Variants in ACTR3C observed in about 807,000 individuals in gnomAD.
ACTR3C encodes actin related protein 3C.
In ACTR3C, 18 loss-of-function variants were observed where a neutral mutation model predicts 26.3. The ratio of observed to expected loss-of-function variants is 0.68; its 90% confidence interval spans 0.47 to 1.01. The LOEUF (loss-of-function observed/expected upper bound fraction) is 1.01. Ranked by LOEUF, ACTR3C falls within the 50% of genes least tolerant of loss-of-function variation. The pLI, the probability that ACTR3C is intolerant of heterozygous loss-of-function variation, is 0.00. For missense variants in ACTR3C, 184 were observed against 250.7 expected, an observed-to-expected ratio of 0.73 and a Z score of 1.80; for synonymous variants, 55 against 94.5, an observed-to-expected ratio of 0.58 and a Z score of 2.42.
At chr7:150,038,249 C>T in the ACTR3C span, among the ~76,000 whole-genome samples, 8 of 144,658 alleles carry the variant, frequency 5.5e-5, no homozygotes, top group East Asian at 1.6e-3. Flanking sequence ...AATAGGGGGG[C>T]CATCCTTTAG....
chr7:149,965,973 G>A, the ACTR3C span, among the ~76,000 whole-genome samples: 3 of 152,160 alleles, frequency 2.0e-5, no homozygotes, highest in Non-Finnish European at 2.9e-5. Context: ...GGCCACTGAC[G>A]AACTGCCTGG....
At chr7:149,952,378 C>G in the ACTR3C span, among the ~76,000 whole-genome samples, 231 of 143,036 alleles carry the variant, frequency 1.6e-3, no homozygotes, top group African/African-American at 5.5e-3. Flanking sequence ...AGCCACTGCT[C>G]TATTTTAGCT....
chr7:150,037,958 C>T, the ACTR3C span, among the ~76,000 whole-genome samples: 2 of 139,392 alleles, frequency 1.4e-5, no homozygotes, highest in African/African-American at 5.4e-5. Context: ...GTGCAAAGAG[C>T]CAGGGGAGGA....
chr7:150,205,180 G>A, the ACTR3C span, among the ~76,000 whole-genome samples: 1 of 152,114 alleles, frequency 6.6e-6, no homozygotes, highest in Non-Finnish European at 1.5e-5. Context: ...TGTTCTAAAG[G>A]GACAGCTGGA....
the ACTR3C span, among the ~76,000 whole-genome samples, chr7:150,161,509 C>T: frequency 1.3e-5 from 2 of 151,878 alleles, no homozygotes; most frequent in Non-Finnish European, 2.9e-5. Context: ...ATGATGGTTT[C>T]CAGCTTTATC....
the ACTR3C span, among the ~76,000 whole-genome samples, chr7:149,962,545 C>T: frequency 6.6e-6 from 1 of 152,108 alleles, no homozygotes; most frequent in African/African-American, 2.4e-5. Flanking sequence ...CTTCTTCCTT[C>T]CCTGTGGGCA....
At chr7:150,070,496 G>A in the ACTR3C span, among the ~76,000 whole-genome samples, 1 of 152,162 alleles carries the variant, frequency 6.6e-6, no homozygotes, top group East Asian at 1.9e-4. Flanking sequence ...TGTCACTCAG[G>A]CTGGAGTGCG....
the ACTR3C span, among the ~76,000 whole-genome samples, chr7:149,978,611 A>G: frequency 1.3e-5 from 2 of 152,202 alleles, no homozygotes; most frequent in Admixed American, 1.3e-4. Flanking sequence ...AAGAAGAAAT[A>G]TACAGTTGCT....
At chr7:149,897,634 G>T in the ACTR3C span, among the ~76,000 whole-genome samples, 1 of 152,262 alleles carries the variant, frequency 6.6e-6, no homozygotes, top group African/African-American at 2.4e-5. Context: ...GGGAGGCCAA[G>T]GTGGGCAGAT....
At chr7:149,996,688 C>T in the ACTR3C span, among the ~76,000 whole-genome samples, 3 of 150,660 alleles carry the variant, frequency 2.0e-5, no homozygotes, top group Non-Finnish European at 4.4e-5. Flanking sequence ...CAGATTCATA[C>T]ATTTATTTCA....
the ACTR3C span, among the ~76,000 whole-genome samples, chr7:149,974,647 T>C: frequency 5.3e-3 from 803 of 152,324 alleles, 8 homozygotes; most frequent in African/African-American, 0.019. Flanking sequence ...TCCTCATCCT[T>C]ATTTTATACC....
chr7:150,086,990 A>C, the ACTR3C span, among the ~76,000 whole-genome samples: 2 of 152,210 alleles, frequency 1.3e-5, no homozygotes, highest in Non-Finnish European at 2.9e-5. Context: ...TTCCCTGTGC[A>C]ATCCTTCTAC....
the ACTR3C span, among the ~76,000 whole-genome samples, chr7:150,003,598 G>A: frequency 6.6e-6 from 1 of 152,130 alleles, no homozygotes; most frequent in Non-Finnish European, 1.5e-5. Flanking sequence ...TGTAGTGTGT[G>A]GTATGTTATC....
chr7:150,209,248 CAG>C, the ACTR3C span, among the ~76,000 whole-genome samples: 174 of 138,042 alleles, frequency 1.3e-3, 16 homozygotes, highest in African/African-American at 5.0e-3. Context: ...CAGAGAGAGA[CAG>C]AGAGAGAGAC....
At chr7:150,058,723 T>C in the ACTR3C span, among the ~76,000 whole-genome samples, 1 of 152,188 alleles carries the variant, frequency 6.6e-6, no homozygotes, top group South Asian at 2.1e-4. Context: ...GAGACCATCC[T>C]GGCCAACATG....
At chr7:150,280,798 A>ATGTGTGTGTG (rs200924995) in intron 6 of ACTR3C, among the ~76,000 whole-genome samples, 2,166 of 147,444 alleles carry the variant, frequency 0.015, 57 homozygotes, top group South Asian at 0.044. Flanking sequence ...CCTGCTCTTG[A>ATGTGTGTGTG]TGTGTGTGTG....
At chr7:150,033,796 A>C in the ACTR3C span, among the ~76,000 whole-genome samples, 1 of 143,980 alleles carries the variant, frequency 6.9e-6, no homozygotes, top group Non-Finnish European at 1.5e-5. Context: ...CCTCAGAGCC[A>C]GGGGGGGAAG....
chr7:150,057,778 A>T, the ACTR3C span, among the ~76,000 whole-genome samples: 4 of 152,222 alleles, frequency 2.6e-5, no homozygotes, highest in Non-Finnish European at 5.9e-5. Flanking sequence ...GAGCATCTCA[A>T]TGGGTAAACT....
the ACTR3C span, among the ~76,000 whole-genome samples, chr7:150,159,966 T>C: frequency 6.6e-6 from 1 of 152,054 alleles, no homozygotes; most frequent in Non-Finnish European, 1.5e-5. Flanking sequence ...GGCTAATTTT[T>C]GTATTTTTAG....
Sources: gnomAD v4.1 joint callset for allele counts (sites outside exome capture counted in the v4.1 genomes callset) on GRCh38, gnomAD v4.1.1 for gene constraint, MANE v1.5 for transcripts, NCBI Gene and HGNC (gene_info 2026-07-23, HGNC 2026-07-21) for gene names.